Variants in KLRG1 observed in about 807,000 individuals in gnomAD.
The protein encoded by KLRG1 is killer cell lectin like receptor G1.
In KLRG1, 16 loss-of-function variants were observed where a neutral mutation model predicts 21.8. That is an observed-to-expected ratio of 0.73 (90% confidence interval 0.50 to 1.11). The LOEUF (loss-of-function observed/expected upper bound fraction) is 1.11. Ranked by LOEUF, KLRG1 falls within the 50% of genes most tolerant of loss-of-function variation. KLRG1 has a pLI of 0.00. For missense variants in KLRG1, 173 were observed against 218.3 expected, an observed-to-expected ratio of 0.79 and a Z score of 1.31; for synonymous variants, 69 against 75.9, an observed-to-expected ratio of 0.91 and a Z score of 0.47.
At chr12:9,173,548 G>T in the KLRG1 span, among the ~76,000 whole-genome samples, 4 of 151,350 alleles carry the variant, frequency 2.6e-5, no homozygotes, top group South Asian at 2.1e-4. Context: ...TGGTTTTTTT[G>T]AAAAAAAGTT....
chr12:9,019,500 C>A, the KLRG1 span, among the ~76,000 whole-genome samples: 1 of 152,176 alleles, frequency 6.6e-6, no homozygotes, highest in East Asian at 1.9e-4. Flanking sequence ...TCACAATAGC[C>A]AAGATTTGTC....
chr12:8,954,359 T>C (rs1264096529), intron 1 of KLRG1, among the ~76,000 whole-genome samples: 2 of 151,948 alleles, frequency 1.3e-5, no homozygotes, highest in African/African-American at 4.8e-5. Context: ...ATAAGGACTA[T>C]AGTTAATATT....
At chr12:8,992,921 C>T (rs1438662932) in intron 2 of KLRG1, among the ~76,000 whole-genome samples, 1 of 151,902 alleles carries the variant, frequency 6.6e-6, no homozygotes, top group Non-Finnish European at 1.5e-5. Flanking sequence ...GAGAATAGTT[C>T]TTATCGTAGT....
chr12:9,140,982 T>C, the KLRG1 span, among the ~76,000 whole-genome samples: 2,488 of 152,262 alleles, frequency 0.016, 69 homozygotes, highest in African/African-American at 0.057. Flanking sequence ...AATAACTATA[T>C]TGCCATAACT....
chr12:9,104,803 A>G, the KLRG1 span, among the ~76,000 whole-genome samples: 1 of 152,212 alleles, frequency 6.6e-6, no homozygotes, highest in East Asian at 1.9e-4. Flanking sequence ...ATTTTAATCT[A>G]TTAATCTATT....
At chr12:9,167,935 A>C in the KLRG1 span, among the ~76,000 whole-genome samples, 1 of 152,286 alleles carries the variant, frequency 6.6e-6, no homozygotes, top group East Asian at 1.9e-4. Context: ...AATCATATTT[A>C]CCATTTTTGA....
intron 1 of KLRG1, among the ~76,000 whole-genome samples, chr12:8,960,127 G>A (rs887193266): frequency 2.0e-5 from 3 of 152,192 alleles, no homozygotes; most frequent in Non-Finnish European, 4.4e-5. Context: ...ATTCCTGAGA[G>A]GAGGGGAATA....
At chr12:9,138,287 T>C in the KLRG1 span, among the ~76,000 whole-genome samples, 2 of 152,024 alleles carry the variant, frequency 1.3e-5, no homozygotes, top group African/African-American at 2.4e-5. Context: ...TGATTTTTTT[T>C]CCCTTTATTC....
chr12:9,058,793 TG>T, the KLRG1 span: 1 of 152,928 alleles, frequency 6.5e-6, no homozygotes, highest in Non-Finnish European at 1.5e-5. Flanking sequence ...CTAGCAAGGC[TG>T]GCAGGGGCCC....
the KLRG1 span, chr12:9,072,588 G>C: frequency 4.4e-6 from 7 of 1,598,654 alleles, no homozygotes; most frequent in Non-Finnish European, 6.0e-6. Flanking sequence ...TTCTGAGTTA[G>C]GACTTCTCAG....
chr12:9,090,895 G>A, the KLRG1 span, among the ~76,000 whole-genome samples: 2 of 152,170 alleles, frequency 1.3e-5, no homozygotes, highest in African/African-American at 4.8e-5. Flanking sequence ...GCTACGAAAA[G>A]TTAAATATAT....
the KLRG1 span, chr12:9,161,066 T>C: frequency 2.5e-6 from 4 of 1,603,726 alleles, no homozygotes; most frequent in Non-Finnish European, 3.4e-6. Flanking sequence ...GCAGATTCTT[T>C]GACCACATTT....
At chr12:9,029,057 G>C in the KLRG1 span, 1 of 533,416 alleles carries the variant, frequency 1.9e-6, no homozygotes, top group South Asian at 1.9e-5. Context: ...TCCTCCGCTG[G>C]TCAGGCTCTT....
the KLRG1 span, chr12:9,058,448 T>G: frequency 2.0e-5 from 3 of 151,916 alleles, no homozygotes; most frequent in Non-Finnish European, 4.4e-5. Context: ...TATGCTCATT[T>G]TAATATAAAC....
chr12:9,087,386 G>A, the KLRG1 span, among the ~76,000 whole-genome samples: 1 of 152,146 alleles, frequency 6.6e-6, no homozygotes, highest in Admixed American at 6.5e-5. Context: ...AGGAGATTAT[G>A]TTATGTGAAA....
chr12:8,981,928 A>G (rs1946761094), intron 1 of KLRG1, among the ~76,000 whole-genome samples: 1 of 152,138 alleles, frequency 6.6e-6, no homozygotes, highest in African/African-American at 2.4e-5. Flanking sequence ...GTGCATACTT[A>G]TTTATAGTTG....
the KLRG1 span, among the ~76,000 whole-genome samples, chr12:9,125,921 G>C: frequency 6.6e-6 from 1 of 152,128 alleles, no homozygotes; most frequent in African/African-American, 2.4e-5. Context: ...TTTTAGTAGA[G>C]ACGGGGTTTC....
At chr12:9,091,381 G>C in the KLRG1 span, 3 of 1,614,158 alleles carry the variant, frequency 1.9e-6, no homozygotes, top group East Asian at 2.2e-5. Context: ...CCTTCCACTC[G>C]GTGATGGTGT....
chr12:9,125,180 G>A, the KLRG1 span, among the ~76,000 whole-genome samples: 1 of 152,214 alleles, frequency 6.6e-6, no homozygotes, highest in African/African-American at 2.4e-5. Context: ...CCTCCTCTCT[G>A]CTGAGAGCAG....
Sources: allele counts gnomAD v4.1 joint callset (sites outside exome capture counted in the v4.1 genomes callset), GRCh38; gene constraint gnomAD v4.1.1; transcripts MANE v1.5; gene names NCBI Gene and HGNC (gene_info 2026-07-23, HGNC 2026-07-21).